PRKG1: variants seen among roughly 807,000 people sequenced by gnomAD.
PRKG1 encodes cGMP-dependent protein kinase 1.
Under a neutral mutation model 88.1 loss-of-function variants are expected in PRKG1, and 35 were observed. The ratio of observed to expected loss-of-function variants is 0.40; its 90% CI spans 0.30 to 0.53. The LOEUF (loss-of-function observed/expected upper bound fraction) is 0.53, where lower values mean the gene tolerates loss of function less well. Among genes scored for constraint, PRKG1 ranks in the 20% least tolerant of loss-of-function variants. The pLI, the probability that PRKG1 is intolerant of heterozygous loss-of-function variation, is 0.59. For missense variants in PRKG1, 540 were observed against 839.8 expected, an observed-to-expected ratio of 0.64 and a Z score of 4.41; for synonymous variants, 303 against 292.5, an observed-to-expected ratio of 1.04 and a Z score of -0.37.
intron 7 of PRKG1, among the ~76,000 whole-genome samples, chr10:52,105,957 A>G (rs1183630275): frequency 6.7e-6 from 1 of 148,956 alleles, no homozygotes; most frequent in East Asian, 2.3e-4. Context: ...GTAGTCTTTT[A>G]TCCCCCCACT....
At chr10:51,979,619 T>G (rs1843953116) in intron 5 of PRKG1, among the ~76,000 whole-genome samples, 1 of 147,526 alleles carries the variant, frequency 6.8e-6, no homozygotes, top group Non-Finnish European at 1.5e-5. Flanking sequence ...GGCTTTTTTT[T>G]TTTTTTTTTT....
intron 5 of PRKG1, chr10:51,910,156 A>G (rs1400585652): frequency 1.3e-5 from 2 of 152,162 alleles, no homozygotes; most frequent in South Asian, 2.1e-4. Flanking sequence ...GATTATTGCA[A>G]TAGGGGAAGG....
intron 3 of PRKG1, among the ~76,000 whole-genome samples, chr10:51,731,288 C>T (rs1842266383): frequency 6.6e-6 from 1 of 152,006 alleles, no homozygotes; most frequent in African/African-American, 2.4e-5. Flanking sequence ...TGGGGGATTT[C>T]AAGTTTGGGA....
intron 3 of PRKG1, among the ~76,000 whole-genome samples, chr10:51,594,719 A>G (rs1023098201): frequency 1.3e-5 from 2 of 152,196 alleles, no homozygotes; most frequent in Non-Finnish European, 2.9e-5. Flanking sequence ...AGTCATTTCT[A>G]TATCACAGTG....
chr10:51,699,462 C>G, intron 3 of PRKG1: 2 of 1,614,010 alleles, frequency 1.2e-6, no homozygotes, highest in Non-Finnish European at 1.7e-6. Context: ...TTTAACTGCT[C>G]CTCAGTTGCC....
chr10:51,862,554 T>G (rs1187011430), intron 4 of PRKG1, among the ~76,000 whole-genome samples: 1 of 152,126 alleles, frequency 6.6e-6, no homozygotes, highest in Non-Finnish European at 1.5e-5. Context: ...TGGCTGAGTC[T>G]GGGATTTTTA....
At chr10:52,252,681 T>A (rs1464702317) in intron 10 of PRKG1, 1 of 152,090 alleles carries the variant, frequency 6.6e-6, no homozygotes, top group Non-Finnish European at 1.5e-5. Context: ...TAGAAAGATG[T>A]TATTTACTTA....
intron 7 of PRKG1, among the ~76,000 whole-genome samples, chr10:52,084,970 C>G (rs1846875228): frequency 6.6e-6 from 1 of 151,872 alleles, no homozygotes; most frequent in African/African-American, 2.4e-5. Flanking sequence ...CATTGTCACT[C>G]AATTTGAGTT....
chr10:51,908,713 C>G (rs572209897), intron 5 of PRKG1: 2 of 73,072 alleles, frequency 2.7e-5, no homozygotes, highest in East Asian at 3.7e-4. Flanking sequence ...CTCTCTCTCT[C>G]TGTCTATCTA....
Position 51,994,685 on chromosome 10 carries a change from T to A in PRKG1, c.763-59799T>A, listed in dbSNP as rs148426142. ...ATATTGTTTTCTCCCTAGAACTATG[T>A]GCTATTTCACAGCCTCCAGGAGGAT... On this transcript the variant is annotated intron_variant, in intron 5 of 17. Coordinates refer to ENST00000373980, the MANE Select transcript of PRKG1 (RefSeq NM_006258.4). Among the ~76,000 whole-genome samples the A allele has an allele frequency of 9.1e-3, 1,390 of 152,284 alleles. 20 individuals are homozygous for A. The highest frequency in any genetic ancestry group is 0.014 in the Middle Eastern group (4 of 294).
intron 2 of PRKG1, among the ~76,000 whole-genome samples, chr10:51,460,638 T>C (rs1293965036): frequency 1.3e-5 from 2 of 152,198 alleles, no homozygotes; most frequent in Admixed American, 1.3e-4. Context: ...GTATTTTAAG[T>C]GCTAACATTT....
intron 1 of PRKG1, among the ~76,000 whole-genome samples, chr10:51,114,018 C>G (rs1428589645): frequency 2.0e-5 from 3 of 149,318 alleles, no homozygotes; most frequent in Non-Finnish European, 4.4e-5. Flanking sequence ...AACTGTGTTT[C>G]TTTCCTGCCT....
At chr10:51,604,702 G>A (rs571562459) in intron 3 of PRKG1, among the ~76,000 whole-genome samples, 12 of 152,242 alleles carry the variant, frequency 7.9e-5, no homozygotes, top group Admixed American at 4.6e-4. Context: ...TCACTTCTTC[G>A]GTGCCCACTG....
chr10:51,943,866 T>G (rs1355115131), intron 5 of PRKG1, among the ~76,000 whole-genome samples: 1 of 152,050 alleles, frequency 6.6e-6, no homozygotes, highest in Non-Finnish European at 1.5e-5. Flanking sequence ...CAGTATTTTA[T>G]TGAGGATTTT....
chr10:51,431,913 C>T (rs1427653026), intron 2 of PRKG1, among the ~76,000 whole-genome samples: 1 of 152,112 alleles, frequency 6.6e-6, no homozygotes. Flanking sequence ...CATGTTTTTA[C>T]CACATATGGA....
intron 5 of PRKG1, among the ~76,000 whole-genome samples, chr10:51,963,526 C>A (rs1843495762): frequency 6.6e-6 from 1 of 151,884 alleles, no homozygotes; most frequent in African/African-American, 2.4e-5. Flanking sequence ...GTGGCAAGAT[C>A]CTGGGTCACT....
chr10:51,089,448 A>G (rs73338499), intron 1 of PRKG1, among the ~76,000 whole-genome samples: 5,269 of 152,342 alleles, frequency 0.035, 113 homozygotes, highest in Middle Eastern at 0.058. Flanking sequence ...GGTAGAGACC[A>G]TTAATCACAT....
At chr10:51,032,735 T>TG (rs927210837) in intron 1 of PRKG1, among the ~76,000 whole-genome samples, 3 of 152,040 alleles carry the variant, frequency 2.0e-5, no homozygotes, top group Non-Finnish European at 4.4e-5. Flanking sequence ...CTACATGCAG[T>TG]GGGGGGGTGA....
chr10:51,827,541 T>A (rs1839907555), intron 4 of PRKG1, among the ~76,000 whole-genome samples: 1 of 152,114 alleles, frequency 6.6e-6, no homozygotes, highest in African/African-American at 2.4e-5. Flanking sequence ...AATTCCAAAC[T>A]GGGTTTATTA....
Sources: gnomAD v4.1 joint callset for allele counts (sites outside exome capture counted in the v4.1 genomes callset) on GRCh38, gnomAD v4.1.1 for gene constraint, MANE v1.5 for transcripts, NCBI Gene and HGNC (gene_info 2026-07-23, HGNC 2026-07-21) for gene names.